The following EHD2 variants were observed in gnomAD, a reference collection of about 807,000 sequenced individuals.
EHD2 encodes EH domain containing 2, also known as EH domain-containing protein 2.
EHD2 carries 27 observed loss-of-function variants against 41.0 expected under a neutral mutation model. The ratio of observed to expected loss-of-function variants is 0.66; its 90% CI spans 0.49 to 0.91. EHD2 has a LOEUF of 0.91. Ranked by LOEUF, EHD2 falls within the 40% of genes least tolerant of loss-of-function variation. The pLI, the probability that EHD2 is intolerant of heterozygous loss-of-function variation, is 0.00. For synonymous variants in EHD2, 342 were observed against 341.0 expected, an observed-to-expected ratio of 1.00 and a Z score of -0.03; for missense variants, 673 against 773.9, an observed-to-expected ratio of 0.87 and a Z score of 1.55.
chr19:47,714,975 C>G (rs906969153), intron 1 of EHD2, among the ~76,000 whole-genome samples: 1 of 151,662 alleles, frequency 6.6e-6, no homozygotes, highest in Non-Finnish European at 1.5e-5. Flanking sequence ...GAGGTGAAGG[C>G]TGCAGTGAGC....
At chr19:47,730,775 C>G (rs537519763) in intron 4 of EHD2, among the ~76,000 whole-genome samples, 1 of 152,164 alleles carries the variant, frequency 6.6e-6, no homozygotes, top group South Asian at 2.1e-4. Flanking sequence ...TTGGGAGGGT[C>G]TGATTCTATA....
At chr19:47,731,287 T>TATATGTATATATATATATATATACAC (rs1568591794) in intron 4 of EHD2, 7 of 81,080 alleles carry the variant, frequency 8.6e-5, no homozygotes, top group African/African-American at 2.5e-4. Context: ...AAAATATATA[T>TATATGTATATATATATATATATACAC]ATATATATAT....
Position 47,741,766 on chromosome 19 carries a change from G to A in EHD2, c.*334G>A, listed in dbSNP as rs1966992882. ...TGTGCCCAGCCCTGTTCTAGGCACT[G>A]GGCATTACCATAGAGAACAAAATAG... On this transcript the variant is annotated 3_prime_UTR_variant, in exon 6 of 6. Transcript: ENST00000263277. The surrounding 1 kb of genome is among the most constrained non-coding windows in gnomAD (Gnocchi z 4.5). 2 of 560,348 alleles carry A rather than the reference G, an allele frequency of 3.6e-6. No homozygotes were observed. The highest frequency in any genetic ancestry group is 4.0e-5 in the East Asian group (1 of 24,984). 34.7% of individuals were successfully genotyped at this position (560,348 alleles called of 1,614,324 possible). A position where few individuals can be genotyped will look rare whatever the true frequency, so the allele number is the denominator to read the frequency against.
At chr19:47,728,887 T>C (rs1346988144) in intron 4 of EHD2, among the ~76,000 whole-genome samples, 1 of 151,176 alleles carries the variant, frequency 6.6e-6, no homozygotes, top group Non-Finnish European at 1.5e-5. Flanking sequence ...GCTCTTTGAA[T>C]TCCTTCACTG....
At chr19:47,733,750 T>TCAAAAAAAAAAAAAAAAAAAAAAA (rs1966892992) in intron 4 of EHD2, among the ~76,000 whole-genome samples, 1 of 9,226 alleles carries the variant, frequency 1.1e-4, no homozygotes, top group Non-Finnish European at 2.6e-4. Context: ...AGACTCTGTC[T>TCAAAAAAAAAAAAAAAAAAAAAAA]CAAAAAAAAA....
intron 2 of EHD2, among the ~76,000 whole-genome samples, chr19:47,717,717 G>A (rs1973643939): frequency 6.6e-6 from 1 of 151,842 alleles, no homozygotes; most frequent in Non-Finnish European, 1.5e-5. Flanking sequence ...GACCAGCCTG[G>A]CCAACATGGT....
At chr19:47,727,709 A>G (rs956743400) in intron 4 of EHD2, among the ~76,000 whole-genome samples, 1 of 151,420 alleles carries the variant, frequency 6.6e-6, no homozygotes, top group African/African-American at 2.4e-5. Flanking sequence ...TATTAAAAAA[A>G]AAAAAAAAAG....
rs1966916445 is a variant in EHD2, at chr19:47,735,903, C to CA, written c.916-466_916-465insA. 3.0e-4 allele frequency among the ~76,000 whole-genome samples: 15 copies of CA among 49,478 alleles called. 1 individual carries two copies. In the South Asian group the frequency reaches 0.013, roughly 43 times the overall value. 32.5% of individuals were successfully genotyped at this position (49,478 alleles called of 152,430 possible). On this transcript the variant is annotated intron_variant, in intron 4 of 5. Transcript: ENST00000263277. ...TGGGCAACAGAGCGAGACTCTGTCTCGAAAAAAAAAAAGACTGGGCACGGT... is the reference window on the plus strand; with the variant it reads ...TGGGCAACAGAGCGAGACTCTGTCTCAGAAAAAAAAAAAGACTGGGCACGGT...
chr19:47,720,202 C>T (rs948070649), intron 3 of EHD2, among the ~76,000 whole-genome samples: 1 of 151,886 alleles, frequency 6.6e-6, no homozygotes, highest in South Asian at 2.1e-4. Flanking sequence ...CTCACTCTGT[C>T]GCCCAGGCTG....
intron 4 of EHD2, 24 bp downstream of exon 4, chr19:47,726,248 G>A: frequency 1.4e-6 from 2 of 1,461,364 alleles, no homozygotes; most frequent in Admixed American, 2.8e-5. Flanking sequence ...AGGGCTGGGC[G>A]CGCATTCTTG....
At chr19:47,715,080 A>G (rs1419534964) in intron 1 of EHD2, among the ~76,000 whole-genome samples, 2 of 147,162 alleles carry the variant, frequency 1.4e-5, no homozygotes, top group East Asian at 3.9e-4. Flanking sequence ...TAAATAAATA[A>G]AAAGAAAGAA....
intron 3 of EHD2, among the ~76,000 whole-genome samples, chr19:47,722,932 C>T (rs370616521): frequency 1.3e-5 from 2 of 152,218 alleles, no homozygotes; most frequent in East Asian, 3.9e-4. Context: ...CAGTGCCCAC[C>T]TCCTGGGGTT....
In EHD2 at chr19:47,741,691, A is replaced by G. The variant is rs899273973; in HGVS notation, c.*259A>G. The G allele has an allele frequency of 1.6e-6, 1 of 633,836 alleles. No individual in the cohort carries two copies. Among genetic ancestry groups the G allele is most frequent in the African/African-American group, 1.8e-5 (1 of 54,382 alleles). The allele number at this position is 633,836 out of a possible 1,614,324, so 39.3% of individuals were successfully genotyped here. ...ACATCACACACACACTGGCACACGC[A>G]GGCATCCATCCATCCGTCATTCATT... On this transcript the variant is annotated 3_prime_UTR_variant, in exon 6 of 6. Transcript: ENST00000263277. The surrounding 1 kb of genome is among the most constrained non-coding windows in gnomAD (Gnocchi z 4.5).
intron 3 of EHD2, among the ~76,000 whole-genome samples, chr19:47,724,356 G>A (rs544009819): frequency 3.7e-4 from 57 of 152,192 alleles, no homozygotes; most frequent in Middle Eastern, 3.4e-3. Flanking sequence ...ATCACACCTG[G>A]CTTCACAACA....
chr19:47,738,548 T>C (rs11083891), intron 5 of EHD2, among the ~76,000 whole-genome samples: 76,534 of 152,042 alleles, frequency 0.5, 21,869 homozygotes, highest in South Asian at 0.69. Context: ...GTGATCCTCC[T>C]GCCTTAGCCT....
chr19:47,728,989 C>T (rs11672818), intron 4 of EHD2, among the ~76,000 whole-genome samples: 50,808 of 152,060 alleles, frequency 0.33, 8,904 homozygotes, highest in Middle Eastern at 0.52. Flanking sequence ...AACAAAATCT[C>T]CTCTATGCCT....
chr19:47,715,902 GGACTA>G (rs771462959), intron 1 of EHD2, among the ~76,000 whole-genome samples: 4 of 151,986 alleles, frequency 2.6e-5, no homozygotes, highest in East Asian at 3.9e-4. Flanking sequence ...CAAGTAGCTG[GGACTA>G]CAGGTGGCCA....
At chr19:47,720,985 C>A (rs1349810925) in intron 3 of EHD2, among the ~76,000 whole-genome samples, 1 of 150,950 alleles carries the variant, frequency 6.6e-6, no homozygotes, top group Non-Finnish European at 1.5e-5. Flanking sequence ...TGCATGTGTG[C>A]CTCTGTACCT....
At chr19:47,714,757 C>T (rs951207189) in intron 1 of EHD2, among the ~76,000 whole-genome samples, 12 of 151,954 alleles carry the variant, frequency 7.9e-5, no homozygotes, top group African/African-American at 1.2e-4. Context: ...AGAGATGAGC[C>T]GGCATGGTGG....
Sources: gnomAD v4.1 joint callset for allele counts (sites outside exome capture counted in the v4.1 genomes callset) on GRCh38, gnomAD v4.1.1 for gene constraint, Gnocchi (gnomAD v3.1) non-coding constraint, MANE v1.5 for transcripts, NCBI Gene and HGNC (gene_info 2026-07-23, HGNC 2026-07-21) for gene names.